Variants in TMEM215 observed in about 807,000 individuals in gnomAD.
The protein encoded by TMEM215 is transmembrane protein 215.
TMEM215 carries 12 observed loss-of-function variants against 14.7 expected under a neutral mutation model. The observed-to-expected ratio is 0.82, with a 90% CI of 0.52 to 1.33. The LOEUF is 1.33. Ranked by LOEUF, TMEM215 falls within the 40% of genes most tolerant of loss-of-function variation. The pLI is 0.00. For synonymous variants in TMEM215, 122 were observed against 124.8 expected (o/e 0.98, Z 0.15); for missense variants, 276 against 296.2 (o/e 0.93, Z 0.50).
rs967639327 is a variant in TMEM215 at position 32,788,765 on chromosome 9, C to T, written c.*3874C>T. ...ATAAGACCCAGGGTGGGAAACAAAA[C>T]GATGCTTCTTCCAAAAGATCCTCCC... On this transcript the variant is annotated 3_prime_UTR_variant, in exon 2 of 2. Coordinates refer to ENST00000342743, the MANE Select transcript of TMEM215 (RefSeq NM_212558.3). 3.9e-5 allele frequency among the ~76,000 whole-genome samples: 6 copies of T among 152,170 alleles called. No individual in the cohort carries two copies. Among genetic ancestry groups the T allele is most frequent in the East Asian group, 3.9e-4 (2 of 5,188 alleles).
At chr9:32,783,872 G>A in intron 1 of TMEM215, 67 bp downstream of exon 1, 1 of 336,686 alleles carries the variant, frequency 3.0e-6, no homozygotes, top group Non-Finnish European at 5.4e-6. Context: ...ATAGTGAGAG[G>A]AAGAGAGGGA....
In TMEM215 at chr9:32,784,870, G is replaced by A; in HGVS notation, c.687G>A (p.Trp229Ter). The change falls in exon 2 of 2, where the codon TGG becomes TGA. Residue 229 changes from tryptophan to a stop codon, truncating the protein, a stop_gained. Coordinates refer to ENST00000342743, the MANE Select transcript of TMEM215 (RefSeq NM_212558.3). LOFTEE classifies it high-confidence loss of function. The stretch of plus-strand genomic sequence containing the variant: ...ATATCAATCAGATACAAGGCAGGTG[G>A]GACCACGAGACCATCGTCTAATCTC... ...CCYINQIQGR[W>*]DHETIV 1 of 1,612,466 alleles carries A rather than the reference G, an allele frequency of 6.2e-7. No individual in the cohort carries two copies. Among genetic ancestry groups the A allele is most frequent in the Non-Finnish European group, 8.5e-7 (1 of 1,179,644 alleles).
At position 32,784,471 on chromosome 9, in the gene TMEM215, G is replaced by A. The variant is rs1824479867; in HGVS notation, c.288G>A (p.Arg96=). Reference sequence around the variant, plus strand: ...ACAAGGAGGTGGTAGAGCTGCTGAGGACCCCTTCAGACCTAGAATCCGGCA... The same window carrying A: ...ACAAGGAGGTGGTAGAGCTGCTGAGAACCCCTTCAGACCTAGAATCCGGCA... ...PKDKEVVELL[R]TPSDLESGKG... is the part of the protein sequence containing the mutation. Residue 96 remains arginine, a synonymous_variant, in exon 2 of 2, where the codon AGG becomes AGA. Transcript: ENST00000342743. 3 of 1,613,950 alleles carry A rather than the reference G, an allele frequency of 1.9e-6. No individual in the cohort carries two copies. The African/African-American group carries it at 4.0e-5, about 22-fold the overall frequency.
rs140780887 is a variant in TMEM215 at position 32,784,432 on chromosome 9, C to T, written c.249C>T (p.Phe83=). 13 of 1,614,080 alleles carry T rather than the reference C, an allele frequency of 8.1e-6. No individual in the cohort carries two copies. In the African/African-American group the frequency reaches 1.7e-4, roughly 22 times the overall value. Residue 83 remains phenylalanine, a synonymous_variant, in exon 2 of 2, where the codon TTC becomes TTT. Coordinates refer to ENST00000342743, the MANE Select transcript of TMEM215 (RefSeq NM_212558.3). ...TGTGGGTCCGCAAATTGCCCTGCTT[C>T]CGGAAACCCAAAGACAAGGAGGTGG... The part of the protein sequence containing the change: ...ELLWVRKLPC[F]RKPKDKEVVE...
Position 32,788,207 on chromosome 9 carries a change from C to T in TMEM215, c.*3316C>T, listed in dbSNP as rs1024236871. ...AGCTCTACTTATTTATTAATAGCCT[C>T]CCTCTGTACCCATAACATCATTTAT... On this transcript the variant is annotated 3_prime_UTR_variant, in exon 2 of 2. Transcript: ENST00000342743. Among the ~76,000 whole-genome samples the T allele has an allele frequency of 6.6e-6, 1 of 152,166 alleles. No homozygotes were observed. The highest frequency in any genetic ancestry group is 1.5e-5 in the Non-Finnish European group (1 of 68,020).
In TMEM215 at chr9:32,785,130, C is replaced by G. The variant is rs146038703; in HGVS notation, c.*239C>G. ...GCAGTGGGTAGGAAAGGAAGCTACTCCAGTTGCTTCTTAACAATTTACACA... is the reference window on the plus strand; with the variant it reads ...GCAGTGGGTAGGAAAGGAAGCTACTGCAGTTGCTTCTTAACAATTTACACA... On this transcript the variant is annotated 3_prime_UTR_variant, in exon 2 of 2. Coordinates refer to ENST00000342743, the MANE Select transcript of TMEM215 (RefSeq NM_212558.3). 508 of 504,904 alleles carry G rather than the reference C, an allele frequency of 1.0e-3. 4 individuals are homozygous for G. The South Asian group carries it at 0.012, about 12-fold the overall frequency. 31.3% of individuals were successfully genotyped at this position (504,904 alleles called of 1,614,324 possible). A position where few individuals can be genotyped will look rare whatever the true frequency, so the allele number is the denominator to read the frequency against.
chr9:32,785,018 A>G lies in TMEM215; in HGVS notation c.*127A>G, dbSNP rs566348996. 2 of 758,612 alleles carry G rather than the reference A, an allele frequency of 2.6e-6. No individual in the cohort carries two copies. The highest frequency in any genetic ancestry group is 3.6e-5 in the South Asian group (2 of 56,000). The allele number at this position is 758,612 out of a possible 1,614,324, so 47.0% of individuals were successfully genotyped here. On this transcript the variant is annotated 3_prime_UTR_variant, in exon 2 of 2. Coordinates refer to ENST00000342743, the MANE Select transcript of TMEM215 (RefSeq NM_212558.3). ...TGACCTGGTATGTGATGGGTGTGAT[A>G]ACCTCTGGTACCCGAGAGTCATGTA...
At position 32,787,326 on chromosome 9, in the gene TMEM215, T is replaced by C. The variant is rs371872485; in HGVS notation, c.*2435T>C. On this transcript the variant is annotated 3_prime_UTR_variant, in exon 2 of 2. Transcript: ENST00000342743. ...CATGTTTCTTCTCCCATTACCTACT[T>C]AAGATACTTAAGGTATTTAAGTATG... 9 of 167,052 alleles carry C rather than the reference T, an allele frequency of 5.4e-5. No individual in the cohort carries two copies. Among genetic ancestry groups the C allele is most frequent in the Middle Eastern group, 3.4e-3 (1 of 296 alleles). 10.3% of individuals were successfully genotyped at this position (167,052 alleles called of 1,614,324 possible). A position where few individuals can be genotyped will look rare whatever the true frequency, so the allele number is the denominator to read the frequency against.
In TMEM215 at chr9:32,785,259, T is replaced by A. The variant is rs569327054; in HGVS notation, c.*368T>A. 218 of 199,464 alleles carry A rather than the reference T, an allele frequency of 1.1e-3. 2 individuals are homozygous for A. Among genetic ancestry groups the A allele is most frequent in the African/African-American group, 5.1e-3 (216 of 42,604 alleles). 12.4% of individuals were successfully genotyped at this position (199,464 alleles called of 1,614,324 possible). Reference sequence around the variant, plus strand: ...CAGATGTGAGGCATCAAATGATGCATGAGCTGACCACAGGGAAACTGAGCT... The same window carrying A: ...CAGATGTGAGGCATCAAATGATGCAAGAGCTGACCACAGGGAAACTGAGCT... On this transcript the variant is annotated 3_prime_UTR_variant, in exon 2 of 2. Coordinates refer to ENST00000342743, the MANE Select transcript of TMEM215 (RefSeq NM_212558.3).
rs1824508656 is a variant in TMEM215 at position 32,786,533 on chromosome 9, G to C, written c.*1642G>C. Reference sequence around the variant, plus strand: ...TTCTTACACCTGAGTTTCCTACTCTGTGAAGGGAGGGGGAACTGATTTACA... The same window carrying C: ...TTCTTACACCTGAGTTTCCTACTCTCTGAAGGGAGGGGGAACTGATTTACA... On this transcript the variant is annotated 3_prime_UTR_variant, in exon 2 of 2. Coordinates refer to ENST00000342743, the MANE Select transcript of TMEM215 (RefSeq NM_212558.3). The C allele has an allele frequency of 1.2e-5, 2 of 166,908 alleles. No individual in the cohort carries two copies. 10.3% of individuals were successfully genotyped at this position (166,908 alleles called of 1,614,324 possible).
Position 32,784,685 on chromosome 9 carries a change from T to C in TMEM215, c.502T>C (p.Ser168Pro), listed in dbSNP as rs1160616558. 1 of 1,614,036 alleles carries C rather than the reference T, an allele frequency of 6.2e-7. No individual in the cohort carries two copies. The highest frequency in any genetic ancestry group is 2.2e-5 in the East Asian group (1 of 44,850). Reference sequence around the variant, plus strand: ...CAGATACCTGGACGGCTACTGCCCCTCGGGCAGTTCCCTCACCTACAGTGC... The same window carrying C: ...CAGATACCTGGACGGCTACTGCCCCCCGGGCAGTTCCCTCACCTACAGTGC... ...TSRYLDGYCPSGSSLTYSALD... is the reference protein window; with the variant it reads ...TSRYLDGYCPPGSSLTYSALD... The change falls in exon 2 of 2, where the codon TCG (serine) becomes CCG (proline). Residue 168 changes from serine to proline, a missense_variant. By Grantham distance (74) the Ser-to-Pro change is moderately conservative. Transcript: ENST00000342743.
Position 32,784,997 on chromosome 9 carries a change from C to A in TMEM215, c.*106C>A. On this transcript the variant is annotated 3_prime_UTR_variant, in exon 2 of 2. Coordinates refer to ENST00000342743, the MANE Select transcript of TMEM215 (RefSeq NM_212558.3). ...AGCCTTCACACTGTTAGAAATTGAC[C>A]TGGTATGTGATGGGTGTGATAACCT... 1.1e-6 allele frequency: 1 copy of A among 942,088 alleles called. No homozygotes were observed. The highest frequency in any genetic ancestry group is 1.6e-6 in the Non-Finnish European group (1 of 614,610). The allele number at this position is 942,088 out of a possible 1,614,324, so 58.4% of individuals were successfully genotyped here.
In TMEM215 at chr9:32,784,726, C is replaced by T; in HGVS notation, c.543C>T (p.Cys181=). Residue 181 remains cysteine (C), a synonymous_variant, in exon 2 of 2, where the codon TGC becomes TGT. Coordinates refer to ENST00000342743, the MANE Select transcript of TMEM215 (RefSeq NM_212558.3). The stretch of plus-strand genomic sequence containing the variant: ...CCTACAGTGCCTTGGACGTCAAGTG[C>T]TCAGCAAGGGACAGATCTGAGTGCC... The part of the protein sequence containing the change: ...SLTYSALDVK[C]SARDRSECPE... 6.2e-7 allele frequency: 1 copy of T among 1,614,108 alleles called. No individual in the cohort carries two copies. The highest frequency in any genetic ancestry group is 8.5e-7 in the Non-Finnish European group (1 of 1,180,028).
In TMEM215 at chr9:32,788,186, C is replaced by G. The variant is rs186701470; in HGVS notation, c.*3295C>G. Among the ~76,000 whole-genome samples the G allele has an allele frequency of 6.6e-6, 1 of 152,274 alleles. No individual in the cohort carries two copies. The highest frequency in any genetic ancestry group is 2.4e-5 in the African/African-American group (1 of 41,570). On this transcript the variant is annotated 3_prime_UTR_variant, in exon 2 of 2. Transcript: ENST00000342743. ...TTTTCTCTTTTGCAATGTCCAAGCTCTACTTATTTATTAATAGCCTCCCTC... is the reference window on the plus strand; with the variant it reads ...TTTTCTCTTTTGCAATGTCCAAGCTGTACTTATTTATTAATAGCCTCCCTC...
rs1250665809 is a variant in TMEM215 at position 32,787,747 on chromosome 9, C to T, written c.*2856C>T. On this transcript the variant is annotated 3_prime_UTR_variant, in exon 2 of 2. Coordinates refer to ENST00000342743, the MANE Select transcript of TMEM215 (RefSeq NM_212558.3). ...CATGAGGATTGTTCCTGGTAGCCTT[C>T]AAGAGCTCCTAGACAGATATAAATT... is the stretch of plus-strand genomic sequence containing the variant. 1.3e-5 allele frequency among the ~76,000 whole-genome samples: 2 copies of T among 152,078 alleles called. No individual in the cohort carries two copies. Among genetic ancestry groups the T allele is most frequent in the South Asian group, 2.1e-4 (1 of 4,824 alleles).
In TMEM215 at chr9:32,784,359, TG is replaced by T; in HGVS notation, c.178del (p.Ala60ProfsTer33). 3 of 1,614,200 alleles carry T rather than the reference TG, an allele frequency of 1.9e-6. No homozygotes were observed. The highest frequency in any genetic ancestry group is 2.5e-6 in the Non-Finnish European group (3 of 1,180,034). ...ICLPGIAAIALARKTEGCTKW... is the reference protein window; with the variant it reads ...ICLPGIAAIAXARKTEGCTKW... ...CTACCAGGCATCGCAGCCATTGCCC[TG>T]GCCAGGAAAACCGAGGGATGCACCA... On this transcript the variant is annotated frameshift_variant, in exon 2 of 2. Coordinates refer to ENST00000342743, the MANE Select transcript of TMEM215 (RefSeq NM_212558.3). LOFTEE classifies it high-confidence loss of function.
rs1253668243 is a variant in TMEM215 at position 32,788,027 on chromosome 9, C to T, written c.*3136C>T. On this transcript the variant is annotated 3_prime_UTR_variant, in exon 2 of 2. Coordinates refer to ENST00000342743, the MANE Select transcript of TMEM215 (RefSeq NM_212558.3). ...TTGCAGTCATCTTGGCAAACAAAAT[C>T]CAGATACAGTTAAGTTCAGGCTCTC... is the stretch of plus-strand genomic sequence containing the variant. Among the ~76,000 whole-genome samples the T allele has an allele frequency of 2.6e-5, 4 of 152,106 alleles. No individual in the cohort carries two copies. The highest frequency in any genetic ancestry group is 9.7e-5 in the African/African-American group (4 of 41,426).
At chr9:32,783,976 A>G (rs1271429996) in intron 1 of TMEM215, 150 bp from the exon 2 acceptor site, 28 of 579,970 alleles carry the variant, frequency 4.8e-5, no homozygotes, top group Non-Finnish European at 8.2e-5. Context: ...AGAGAGAGAT[A>G]GAGAGATTGC....
chr9:32,785,590 C>T lies in TMEM215; in HGVS notation c.*699C>T, dbSNP rs549376413. ...TGGCTATGTTACTTCTTAAACTCTT[C>T]GTTTAAATCCATTTATTGCATCTTT... On this transcript the variant is annotated 3_prime_UTR_variant, in exon 2 of 2. Transcript: ENST00000342743. 24 of 167,144 alleles carry T rather than the reference C, an allele frequency of 1.4e-4. No individual in the cohort carries two copies. The highest frequency in any genetic ancestry group is 5.3e-4 in the African/African-American group (22 of 41,578). 10.4% of individuals were successfully genotyped at this position (167,144 alleles called of 1,614,324 possible).
Sources: gnomAD v4.1 joint callset for allele counts (sites outside exome capture counted in the v4.1 genomes callset) on GRCh38, gnomAD v4.1.1 for gene constraint, MANE v1.5 for transcripts, NCBI Gene and HGNC (gene_info 2026-07-23, HGNC 2026-07-21) for gene names.